The following ALCAM variants were observed in gnomAD, a reference collection of about 807,000 sequenced individuals.
ALCAM encodes the protein CD166 antigen.
In ALCAM, 30 loss-of-function variants were observed where a neutral mutation model predicts 70.9. The observed-to-expected ratio is 0.42, with a 90% confidence interval of 0.32 to 0.57. The LOEUF (loss-of-function observed/expected upper bound fraction) is 0.57, where lower values mean the gene tolerates loss of function less well. ALCAM is among the 20% of genes least tolerant of loss of function. The probability of loss-of-function intolerance (pLI) is 0.11; values close to 1 mark genes in which losing one functional copy is unlikely to be tolerated. For synonymous variants in ALCAM, 249 were observed against 242.5 expected (o/e 1.03, Z -0.25); for missense variants, 591 against 695.1 (o/e 0.85, Z 1.68).
chr3:105,411,352 T>C (rs1936385541), intron 1 of ALCAM, among the ~76,000 whole-genome samples: 1 of 152,024 alleles, frequency 6.6e-6, no homozygotes, highest in African/African-American at 2.4e-5. Flanking sequence ...TAAAAGAAAG[T>C]ACATTTTTCA....
At chr3:105,505,972 TTGAAGTA>T (rs1449396931) in intron 1 of ALCAM, among the ~76,000 whole-genome samples, 1 of 152,182 alleles carries the variant, frequency 6.6e-6, no homozygotes, top group Non-Finnish European at 1.5e-5. Context: ...TATAATTGTG[TTGAAGTA>T]TGATCAGCGA....
At chr3:105,443,052 C>G (rs1296094861) in intron 1 of ALCAM, among the ~76,000 whole-genome samples, 2 of 152,126 alleles carry the variant, frequency 1.3e-5, no homozygotes, top group Non-Finnish European at 2.9e-5. Context: ...TCTCAAACTG[C>G]TACCCTCAAA....
chr3:105,522,600 C>T (rs1414655668), intron 2 of ALCAM, among the ~76,000 whole-genome samples: 1 of 152,148 alleles, frequency 6.6e-6, no homozygotes, highest in Non-Finnish European at 1.5e-5. Flanking sequence ...CCTGACACCT[C>T]CTCACCATTA....
intron 3 of ALCAM, chr3:105,524,729 TTC>T (rs1351561487): frequency 2.3e-5 from 30 of 1,297,370 alleles, no homozygotes; most frequent in Non-Finnish European, 2.4e-5. Flanking sequence ...TAAAATAATA[TTC>T]TCTGTTACTT....
chr3:105,377,381 A>G (rs1007242679), intron 1 of ALCAM, among the ~76,000 whole-genome samples: 3 of 152,110 alleles, frequency 2.0e-5, no homozygotes, highest in African/African-American at 7.2e-5. Flanking sequence ...TACTGAGTCA[A>G]CGATGTGTTT....
At chr3:105,495,066 C>T (rs541542021) in intron 1 of ALCAM, among the ~76,000 whole-genome samples, 27 of 152,316 alleles carry the variant, frequency 1.8e-4, no homozygotes, top group South Asian at 2.1e-4. Flanking sequence ...GCCTAACTTT[C>T]TCTTTGCTCA....
chr3:105,555,432 C>T (rs1388061768), intron 14 of ALCAM, among the ~76,000 whole-genome samples: 1 of 151,994 alleles, frequency 6.6e-6, no homozygotes, highest in Non-Finnish European at 1.5e-5. Context: ...AATAAGCAGG[C>T]ATTTTTGGAA....
At chr3:105,444,445 C>G (rs1017786416) in intron 1 of ALCAM, among the ~76,000 whole-genome samples, 9 of 152,042 alleles carry the variant, frequency 5.9e-5, no homozygotes, top group Admixed American at 4.6e-4. Flanking sequence ...TGGGAGAAAC[C>G]ACCCCCATGA....
At chr3:105,500,012 G>C (rs147865541) in intron 1 of ALCAM, among the ~76,000 whole-genome samples, 23 of 152,224 alleles carry the variant, frequency 1.5e-4, no homozygotes, top group African/African-American at 5.5e-4. Context: ...CAACCACTTT[G>C]TTTTCAGAGC....
At chr3:105,403,096 G>A (rs995527373) in intron 1 of ALCAM, among the ~76,000 whole-genome samples, 10 of 151,854 alleles carry the variant, frequency 6.6e-5, no homozygotes, top group Admixed American at 2.0e-4. Context: ...GCAGATGCCC[G>A]CCACCACGCC....
intron 1 of ALCAM, among the ~76,000 whole-genome samples, chr3:105,457,729 G>C (rs1435391727): frequency 2.6e-5 from 4 of 152,094 alleles, no homozygotes; most frequent in Non-Finnish European, 5.9e-5. Context: ...CCAAAACAGG[G>C]AGATGTCAAA....
chr3:105,425,477 T>G (rs780371753), intron 1 of ALCAM, among the ~76,000 whole-genome samples: 2 of 151,782 alleles, frequency 1.3e-5, no homozygotes, highest in African/African-American at 4.8e-5. Flanking sequence ...GGAGAAACGA[T>G]TTTCATTCTC....
intron 1 of ALCAM, 32 bp downstream of exon 1, chr3:105,367,513 G>C (rs1205794828): frequency 1.2e-6 from 2 of 1,612,574 alleles, no homozygotes; most frequent in African/African-American, 2.7e-5. Flanking sequence ...GCCCCAGACA[G>C]ACGTGGGCCT....
chr3:105,510,682 A>G (rs894805059), intron 1 of ALCAM, among the ~76,000 whole-genome samples: 2 of 152,044 alleles, frequency 1.3e-5, no homozygotes, highest in African/African-American at 4.8e-5. Flanking sequence ...GTTTAGTAAC[A>G]CTGTCCTCAT....
At chr3:105,530,409 T>C (rs1939809461) in intron 3 of ALCAM, among the ~76,000 whole-genome samples, 1 of 152,064 alleles carries the variant, frequency 6.6e-6, no homozygotes. Context: ...TCCCAGAAAC[T>C]GGTGTCTATT....
In ALCAM at chr3:105,575,469, TC is replaced by T. The variant is rs200862266; in HGVS notation, c.*1019del. On this transcript the variant is annotated 3_prime_UTR_variant, in exon 16 of 16. Coordinates refer to ENST00000306107, the MANE Select transcript of ALCAM (RefSeq NM_001627.4). The stretch of plus-strand genomic sequence containing the variant: ...ACAGAATATAGAATATATATTTTTT[TC>T]GTGTGTGTTTTTGTTAACTACCCTA... The T allele has an allele frequency of 4.6e-5, 7 of 152,734 alleles. No homozygotes were observed. The highest frequency in any genetic ancestry group is 7.2e-5 in the African/African-American group (3 of 41,568). 9.5% of individuals were successfully genotyped at this position (152,734 alleles called of 1,614,324 possible). A position where few individuals can be genotyped will look rare whatever the true frequency, so the allele number is the denominator to read the frequency against.
intron 1 of ALCAM, among the ~76,000 whole-genome samples, chr3:105,504,786 C>G (rs1388799827): frequency 6.6e-6 from 1 of 152,176 alleles, no homozygotes; most frequent in Non-Finnish European, 1.5e-5. Flanking sequence ...GGCAGGAAAA[C>G]AAAAATGCCT....
intron 1 of ALCAM, among the ~76,000 whole-genome samples, chr3:105,491,194 G>A (rs2152611197): frequency 6.6e-6 from 1 of 152,324 alleles, no homozygotes; most frequent in Non-Finnish European, 1.5e-5. Flanking sequence ...CTTCAGCCAT[G>A]GCTGGAGTGG....
intron 1 of ALCAM, among the ~76,000 whole-genome samples, chr3:105,488,602 C>T (rs752844440): frequency 7.7e-6 from 1 of 130,380 alleles, no homozygotes; most frequent in Non-Finnish European, 1.6e-5. Context: ...CAACAGAAAA[C>T]AAAGTAAAAG....
Sources: allele counts gnomAD v4.1 joint callset (sites outside exome capture counted in the v4.1 genomes callset), GRCh38; gene constraint gnomAD v4.1.1; transcripts MANE v1.5; gene names NCBI Gene and HGNC (gene_info 2026-07-23, HGNC 2026-07-21).